MYO9A: variants seen among roughly 807,000 people sequenced by gnomAD.
MYO9A encodes the protein unconventional myosin-IXa.
Under a neutral mutation model 293.3 loss-of-function variants are expected in MYO9A, and 103 were observed. The observed-to-expected ratio is 0.35, with a 90% CI of 0.30 to 0.41. The LOEUF (loss-of-function observed/expected upper bound fraction) is 0.41, where lower values mean the gene tolerates loss of function less well. Among genes scored for constraint, MYO9A ranks in the 10% least tolerant of loss-of-function variants. The pLI, the probability that MYO9A is intolerant of heterozygous loss-of-function variation, is 1.00. For synonymous variants in MYO9A, 1,001 were observed against 1,035.7 expected (o/e 0.97, Z 0.64); for missense variants, 2,685 against 3,033.0 (o/e 0.89, Z 2.69).
At chr15:72,116,283 AT>A (rs5813676) in intron 1 of MYO9A, among the ~76,000 whole-genome samples, 1 of 152,118 alleles carries the variant, frequency 6.6e-6, no homozygotes, top group East Asian at 1.9e-4. Context: ...TTACTTTAAC[AT>A]TTTTTACTGT....
At chr15:71,856,422 G>C (rs1203672484) in intron 34 of MYO9A, among the ~76,000 whole-genome samples, 2 of 151,902 alleles carry the variant, frequency 1.3e-5, no homozygotes, top group African/African-American at 4.8e-5. Context: ...GATCAGGAAA[G>C]ACTGGGCTGG....
At chr15:71,882,886 C>T (rs2142634604) in intron 28 of MYO9A, among the ~76,000 whole-genome samples, 1 of 152,284 alleles carries the variant, frequency 6.6e-6, no homozygotes, top group South Asian at 2.1e-4. Flanking sequence ...CTCACTGCAG[C>T]CTCAACTTCC....
intron 20 of MYO9A, 32 bp downstream of exon 20, chr15:71,904,894 G>T: frequency 6.6e-7 from 1 of 1,506,504 alleles, no homozygotes. Context: ...AGTAAGCTGA[G>T]ATATGTGCTC....
At chr15:71,920,743 T>C (rs768926846) in intron 18 of MYO9A, among the ~76,000 whole-genome samples, 4 of 151,440 alleles carry the variant, frequency 2.6e-5, no homozygotes, top group Non-Finnish European at 5.9e-5. Context: ...AGGCCAGGAG[T>C]TGGAAACCAG....
rs1341509839 is a variant in MYO9A at position 71,956,769 on chromosome 15, T to C, written c.2182+3132A>G. 4.0e-5 allele frequency among the ~76,000 whole-genome samples: 6 copies of C among 150,582 alleles called. No individual in the cohort carries two copies. In the South Asian group the frequency reaches 6.2e-4, roughly 16 times the overall value. ...AGCATATATAGCATATATTCATATA[T>C]GTAGCATGTATGCTATATATGTATA... On this transcript the variant is annotated intron_variant, in intron 14 of 41. Transcript: ENST00000356056.
chr15:72,108,694 A>T (rs1246885590), intron 1 of MYO9A, among the ~76,000 whole-genome samples: 1 of 152,180 alleles, frequency 6.6e-6, no homozygotes, highest in Non-Finnish European at 1.5e-5. Flanking sequence ...CACTGGTGAT[A>T]CGAAAAATAT....
At chr15:71,972,775 G>C (rs572689162) in intron 12 of MYO9A, among the ~76,000 whole-genome samples, 4 of 152,290 alleles carry the variant, frequency 2.6e-5, no homozygotes, top group South Asian at 4.1e-4. Flanking sequence ...TAAAAGGGTA[G>C]AAGATGAGAA....
At chr15:72,101,120 G>C (rs1341922461) in intron 1 of MYO9A, among the ~76,000 whole-genome samples, 1 of 140,266 alleles carries the variant, frequency 7.1e-6, no homozygotes, top group Non-Finnish European at 1.6e-5. Context: ...GGAGGTCGGG[G>C]CATCAGCCTC....
At chr15:72,036,602 G>C (rs1339120585) in intron 2 of MYO9A, 2 of 151,792 alleles carry the variant, frequency 1.3e-5, no homozygotes, top group Non-Finnish European at 2.9e-5. Context: ...ATCAGAACAG[G>C]GATGGAACTC....
At chr15:72,045,230 T>C (rs989701329) in intron 2 of MYO9A, 2 of 152,164 alleles carry the variant, frequency 1.3e-5, no homozygotes, top group African/African-American at 2.4e-5. Context: ...TATGTTTTTA[T>C]AGTTTAATAT....
In MYO9A at chr15:72,117,676, T is replaced by G; in HGVS notation, c.-72+4A>C. 2 of 396,304 alleles carry G rather than the reference T, an allele frequency of 5.0e-6. No individual in the cohort carries two copies. Among genetic ancestry groups the G allele is most frequent in the East Asian group, 7.2e-5 (2 of 27,966 alleles). 24.5% of individuals were successfully genotyped at this position (396,304 alleles called of 1,614,324 possible). A position where few individuals can be genotyped will look rare whatever the true frequency, so the allele number is the denominator to read the frequency against. On this transcript the variant is annotated splice_donor_region_variant and intron_variant, in intron 1 of 41. Transcript: ENST00000356056. ...GGGCCGCTGGGCGCTTGGGCGGGTC[T>G]TACCTCGGGCTCCGCCGCGGTGGCC...
intron 18 of MYO9A, among the ~76,000 whole-genome samples, chr15:71,932,353 A>G (rs1485157348): frequency 1.3e-5 from 2 of 152,064 alleles, no homozygotes; most frequent in Non-Finnish European, 2.9e-5. Flanking sequence ...CAATTCCCAG[A>G]ACTATAAGGT....
chr15:72,094,251 AGAG>A lies in MYO9A; in HGVS notation c.-72+23426_-72+23428del, dbSNP rs1313274359. Among the ~76,000 whole-genome samples, 13 of 88,630 alleles carry A rather than the reference AGAG, an allele frequency of 1.5e-4. 4 individuals carry two copies. Among genetic ancestry groups the A allele is most frequent in the East Asian group, 5.0e-4 (2 of 4,030 alleles). 58.1% of individuals were successfully genotyped at this position (88,630 alleles called of 152,430 possible). A position where few individuals can be genotyped will look rare whatever the true frequency, so the allele number is the denominator to read the frequency against. ...AGGAAGGAGGAAGAAGAAAGAAGGA[AGAG>A]GAGGAGGAGGAGGAGGAATAAAAGA... On this transcript the variant is annotated intron_variant, in intron 1 of 41. Coordinates refer to ENST00000356056, the MANE Select transcript of MYO9A (RefSeq NM_006901.4).
intron 1 of MYO9A, among the ~76,000 whole-genome samples, chr15:72,073,494 AT>A (rs1389769164): frequency 6.6e-6 from 1 of 152,204 alleles, no homozygotes; most frequent in Non-Finnish European, 1.5e-5. Context: ...CTTAAAATAT[AT>A]TCCATGGATG....
intron 1 of MYO9A, among the ~76,000 whole-genome samples, chr15:72,090,164 G>C (rs2079860119): frequency 6.6e-6 from 1 of 152,154 alleles, no homozygotes; most frequent in Non-Finnish European, 1.5e-5. Flanking sequence ...TGAAGTTTTA[G>C]AGAAATCCTA....
chr15:71,955,979 A>G (rs2059166778), intron 14 of MYO9A, among the ~76,000 whole-genome samples: 1 of 151,998 alleles, frequency 6.6e-6, no homozygotes, highest in East Asian at 1.9e-4. Flanking sequence ...GTATGATTCC[A>G]TATTACAAAT....
chr15:72,019,187 T>A, intron 5 of MYO9A, 92 bp from the exon 6 acceptor site: 1 of 1,042,478 alleles, frequency 9.6e-7, no homozygotes, highest in South Asian at 1.3e-5. Flanking sequence ...GTACTGCTGC[T>A]CTCCATTGAA....
chr15:71,899,501 A>T (rs1397876353), intron 24 of MYO9A, among the ~76,000 whole-genome samples, 186 bp downstream of exon 24: 1 of 152,238 alleles, frequency 6.6e-6, no homozygotes, highest in Non-Finnish European at 1.5e-5. Flanking sequence ...ATTTAATTCA[A>T]TAAAACCTTA....
chr15:71,986,803 C>T (rs1348289386), intron 11 of MYO9A, among the ~76,000 whole-genome samples: 1 of 152,090 alleles, frequency 6.6e-6, no homozygotes, highest in African/African-American at 2.4e-5. Flanking sequence ...AAAAACATTA[C>T]AGTAGGCTCA....
Sources: allele counts gnomAD v4.1 joint callset (sites outside exome capture counted in the v4.1 genomes callset), GRCh38; gene constraint gnomAD v4.1.1; transcripts MANE v1.5; gene names NCBI Gene and HGNC (gene_info 2026-07-23, HGNC 2026-07-21).